The following EPM2A variants were observed in gnomAD, a reference collection of about 807,000 sequenced individuals.
EPM2A encodes EPM2A glucan phosphatase, laforin.
EPM2A carries 21 observed loss-of-function variants against 26.5 expected under a neutral mutation model. The observed-to-expected ratio is 0.79, with a 90% CI of 0.56 to 1.14. The LOEUF is 1.14. Ranked by LOEUF, EPM2A falls within the 50% of genes most tolerant of loss-of-function variation. The pLI, the probability that EPM2A is intolerant of heterozygous loss-of-function variation, is 0.00. For synonymous variants in EPM2A, 217 were observed against 177.6 expected (o/e 1.22, Z -1.76); for missense variants, 458 against 440.8 (o/e 1.04, Z -0.35).
At chr6:145,389,373 G>A (rs1407358697) in intron 4 of EPM2A, among the ~76,000 whole-genome samples, 1 of 151,852 alleles carries the variant, frequency 6.6e-6, no homozygotes, top group Non-Finnish European at 1.5e-5. Context: ...TATATTTTTA[G>A]TAGAGACGGG....
intron 2 of EPM2A, among the ~76,000 whole-genome samples, chr6:145,572,601 C>T (rs1447271873): frequency 1.3e-5 from 2 of 152,198 alleles, no homozygotes; most frequent in Non-Finnish European, 2.9e-5. Context: ...AGAGCTGTCT[C>T]TCAAAAGGAG....
intron 4 of EPM2A, among the ~76,000 whole-genome samples, chr6:145,430,252 A>G (rs1354709155): frequency 2.0e-5 from 3 of 152,162 alleles, no homozygotes; most frequent in African/African-American, 4.8e-5. Flanking sequence ...AATAATCCCC[A>G]AAATGAGAAA....
At chr6:145,407,347 T>C (rs1778582680) in intron 4 of EPM2A, among the ~76,000 whole-genome samples, 1 of 152,174 alleles carries the variant, frequency 6.6e-6, no homozygotes, top group East Asian at 1.9e-4. Flanking sequence ...ATATGAGCTC[T>C]GGACCTACAA....
chr6:145,679,803 G>A (rs1476205152), intron 2 of EPM2A, among the ~76,000 whole-genome samples: 1 of 152,144 alleles, frequency 6.6e-6, no homozygotes, highest in East Asian at 1.9e-4. Context: ...CTTCTCAATA[G>A]CAACCTTGAG....
chr6:145,683,242 T>C (rs1780666112), intron 2 of EPM2A, among the ~76,000 whole-genome samples: 2 of 149,348 alleles, frequency 1.3e-5, no homozygotes, highest in Admixed American at 1.4e-4. Context: ...CATGGAGATG[T>C]TGAAAAATAA....
intron 4 of EPM2A, among the ~76,000 whole-genome samples, chr6:145,407,088 C>T (rs1468769695): frequency 6.6e-6 from 1 of 152,082 alleles, no homozygotes; most frequent in Non-Finnish European, 1.5e-5. Context: ...CCAGCTAACC[C>T]AGGGTCTTAT....
In EPM2A at chr6:145,627,509, C is replaced by G. The variant is rs141361861; in HGVS notation, c.903G>C (p.Pro301=). The G allele has an allele frequency of 4.8e-4, 772 of 1,614,248 alleles. 5 individuals are homozygous for G. In the African/African-American group the frequency reaches 9.0e-3, roughly 19 times the overall value. The change falls in exon 4 of 4, where the codon CCG becomes CCC. Residue 301 remains proline (P), a synonymous_variant. Coordinates refer to ENST00000367519, the MANE Select transcript of EPM2A (RefSeq NM_005670.4). The stretch of plus-strand genomic sequence containing the variant: ...AGGCCTCTTCGTCAATGTAGACAGC[C>G]GGCCTCTTGGCCATGAGGAAATACT... ...KVQYFLMAKR[P]AVYIDEEALA...
In EPM2A at chr6:145,645,604, A is replaced by G. The variant is rs959545667; in HGVS notation, c.477-10118T>C. On this transcript the variant is annotated intron_variant, in intron 2 of 3. Transcript: ENST00000367519. ...ACAGGGATAAGCCACCATCCTGGCA[A>G]ACTTTTTTTTTTTTGAGACAAGGTC... Among the ~76,000 whole-genome samples, 33 of 151,720 alleles carry G rather than the reference A, an allele frequency of 2.2e-4. 1 individual carries two copies. Among genetic ancestry groups the G allele is most frequent in the Admixed American group, 1.9e-3 (29 of 15,242 alleles).
At chr6:145,466,004 C>T (rs1157434914) in intron 4 of EPM2A, among the ~76,000 whole-genome samples, 2 of 152,040 alleles carry the variant, frequency 1.3e-5, no homozygotes, top group African/African-American at 4.8e-5. Flanking sequence ...GGATTAAAGA[C>T]TTAAAGGTTA....
chr6:145,489,993 G>A lies in EPM2A; in HGVS notation c.555+12529C>T. The A allele has an allele frequency of 2.9e-6, 4 of 1,378,134 alleles. No individual in the cohort carries two copies. In the Admixed American group the frequency reaches 5.6e-5, roughly 19 times the overall value. 85.4% of individuals were successfully genotyped at this position (1,378,134 alleles called of 1,614,324 possible). On this transcript the variant is annotated intron_variant, in intron 4 of 4. Transcript: ENST00000638717. ...GAACAAAGTACCTGGCTGTCCTGGA[G>A]CAGATCTGGATGGACGTGTTCCACA...
At chr6:145,688,255 T>G (rs1383285831) in intron 1 of EPM2A, among the ~76,000 whole-genome samples, 1 of 152,146 alleles carries the variant, frequency 6.6e-6, no homozygotes, top group East Asian at 1.9e-4. Context: ...GAGAGTCCAT[T>G]TAAGAAACTA....
intron 2 of EPM2A, among the ~76,000 whole-genome samples, chr6:145,551,141 A>G (rs1562379120): frequency 6.6e-6 from 1 of 152,080 alleles, no homozygotes; most frequent in Non-Finnish European, 1.5e-5. Context: ...TCTGTTTTCA[A>G]TGATATGACA....
At chr6:145,424,411 G>C (rs1778826683) in intron 4 of EPM2A, among the ~76,000 whole-genome samples, 1 of 152,218 alleles carries the variant, frequency 6.6e-6, no homozygotes, top group African/African-American at 2.4e-5. Context: ...CTAGCAAAAT[G>C]TGGTATTCAT....
intron 2 of EPM2A, among the ~76,000 whole-genome samples, chr6:145,618,880 G>A (rs552808727): frequency 1.2e-4 from 18 of 152,268 alleles, no homozygotes; most frequent in African/African-American, 4.1e-4. Context: ...GAAGTAGAAA[G>A]GTCTCTCAGG....
intron 2 of EPM2A, among the ~76,000 whole-genome samples, chr6:145,572,096 T>C (rs1253000858): frequency 1.3e-5 from 2 of 152,160 alleles, no homozygotes; most frequent in Non-Finnish European, 2.9e-5. Context: ...GGATTTCTCC[T>C]TCCATGCAAA....
intron 2 of EPM2A, among the ~76,000 whole-genome samples, chr6:145,541,362 G>C (rs1780509795): frequency 7.1e-6 from 1 of 141,662 alleles, no homozygotes; most frequent in South Asian, 2.3e-4. Flanking sequence ...ATATATATAT[G>C]ATCGGTGTTC....
chr6:145,603,338 A>C (rs576287465), intron 2 of EPM2A, among the ~76,000 whole-genome samples: 2 of 150,482 alleles, frequency 1.3e-5, no homozygotes, highest in South Asian at 2.1e-4. Context: ...GCAAATTGTC[A>C]AAGTAATTGG....
intron 2 of EPM2A, chr6:145,640,297 C>T (rs924191530): frequency 1.3e-5 from 2 of 152,144 alleles, no homozygotes; most frequent in African/African-American, 2.4e-5. Flanking sequence ...CAATGGACTT[C>T]ACATTACAGC....
rs1034148959 is a variant in EPM2A at position 145,626,530 on chromosome 6, T to G, written c.*886A>C. 3.0e-6 allele frequency: 3 copies of G among 985,696 alleles called. No individual in the cohort carries two copies. 61.1% of individuals were successfully genotyped at this position (985,696 alleles called of 1,614,324 possible). ...CTATTCTATGTCTCGCTATAGAAACTCCTGCAGGCATATTGACTATACCCT... is the reference window on the plus strand; with the variant it reads ...CTATTCTATGTCTCGCTATAGAAACGCCTGCAGGCATATTGACTATACCCT... On this transcript the variant is annotated 3_prime_UTR_variant, in exon 4 of 4. Transcript: ENST00000367519.
Sources: allele counts gnomAD v4.1 joint callset (sites outside exome capture counted in the v4.1 genomes callset), GRCh38; gene constraint gnomAD v4.1.1; transcripts MANE v1.5; gene names NCBI Gene and HGNC (gene_info 2026-07-23, HGNC 2026-07-21).